C4orf46: variants seen among roughly 807,000 people sequenced by gnomAD.
The protein encoded by C4orf46 is chromosome 4 open reading frame 46, also known as renal cancer differentiation gene 1 protein.
C4orf46 carries 8 observed loss-of-function variants against 9.1 expected under a neutral mutation model. The ratio of observed to expected loss-of-function variants is 0.88; its 90% CI spans 0.52 to 1.59. C4orf46 has a LOEUF of 1.59. C4orf46 is among the 40% of genes most tolerant of loss of function. The pLI is 0.00. For synonymous variants in C4orf46, 51 were observed against 58.8 expected (o/e 0.87, Z 0.61); for missense variants, 151 against 139.1 (o/e 1.09, Z -0.43).
Position 158,667,190 on chromosome 4 carries a change from A to G in C4orf46, c.*2423T>C, listed in dbSNP as rs1383063307. 3 of 152,250 alleles carry G rather than the reference A, an allele frequency of 2.0e-5. No homozygotes were observed. The East Asian group carries it at 5.8e-4, about 29-fold the overall frequency. 9.4% of individuals were successfully genotyped at this position (152,250 alleles called of 1,614,324 possible). A position where few individuals can be genotyped will look rare whatever the true frequency, so the allele number is the denominator to read the frequency against. ...ATAGTAACTGCATGACAGATGTTGC[A>G]CTTGAAAAATTGATACTTGGAGGAA... On this transcript the variant is annotated 3_prime_UTR_variant, in exon 2 of 2. Coordinates refer to ENST00000379205, the MANE Select transcript of C4orf46 (RefSeq NM_001008393.4).
rs1376300172 is a variant in C4orf46 at position 158,668,997 on chromosome 4, AG to A, written c.*615del. On this transcript the variant is annotated 3_prime_UTR_variant, in exon 2 of 2. Transcript: ENST00000379205. ...AGAATGTTTTTCTTCAAGTCAAAAA[AG>A]TTCAGATTCATACATTTCCTAGAGA... is the stretch of plus-strand genomic sequence containing the variant. 1 of 152,266 alleles carries A rather than the reference AG, an allele frequency of 6.6e-6. No homozygotes were observed. Among genetic ancestry groups the A allele is most frequent in the Non-Finnish European group, 1.5e-5 (1 of 68,038 alleles). 9.4% of individuals were successfully genotyped at this position (152,266 alleles called of 1,614,324 possible).
rs1773558929 is a variant in C4orf46, at chr4:158,671,736, AGAG to A, written c.63_65del (p.Ser23del). On this transcript the variant is annotated inframe_deletion, in exon 1 of 2. Transcript: ENST00000379205. Reference sequence around the variant, plus strand: ...GGGAAGATGCTGCAGAGGCGTCTGAAGAGGAGGGAGAAGAGGGAGGCGGCGGGG... The same window carrying A: ...GGGAAGATGCTGCAGAGGCGTCTGAAGAGGGAGAAGAGGGAGGCGGCGGGG... 1 of 1,589,988 alleles carries A rather than the reference AGAG, an allele frequency of 6.3e-7. No individual in the cohort carries two copies. The highest frequency in any genetic ancestry group is 1.8e-5 in the Admixed American group (1 of 55,842).
In C4orf46 at chr4:158,671,544, C is replaced by T. The variant is rs1773547048; in HGVS notation, c.186+72G>A. On this transcript the variant is annotated intron_variant, in intron 1 of 1. Transcript: ENST00000379205. ...GGGGGTTGGGGGACCGATTCCCTAG[C>T]CTCGCGAGCCCCGCCGCCGCCGGTC... The T allele has an allele frequency of 2.9e-6, 4 of 1,379,232 alleles. No homozygotes were observed. The South Asian group carries it at 6.4e-5, about 22-fold the overall frequency. 85.4% of individuals were successfully genotyped at this position (1,379,232 alleles called of 1,614,324 possible).
chr4:158,671,682 T>C lies in C4orf46; in HGVS notation c.120A>G (p.Pro40=). The part of the protein sequence containing the change: ...SPGGPVSLGW[P]VPSRSSGPTV... The stretch of plus-strand genomic sequence containing the variant: ...TTGGGCCGCTGCTCCTGCTCGGAAC[T>C]GGCCAGCCCAAACTCACTGGGCCGC... Residue 40 remains proline, a synonymous_variant, in exon 1 of 2, where the codon CCA becomes CCG. Transcript: ENST00000379205. 2.5e-6 allele frequency: 4 copies of C among 1,611,508 alleles called. No individual in the cohort carries two copies. The highest frequency in any genetic ancestry group is 1.1e-5 in the South Asian group (1 of 90,856).
chr4:158,670,931 T>C (rs982687730), intron 1 of C4orf46, among the ~76,000 whole-genome samples: 1 of 152,120 alleles, frequency 6.6e-6, no homozygotes, highest in African/African-American at 2.4e-5. Context: ...GGAGGTGGGG[T>C]GCTAGTTTCT....
Position 158,668,149 on chromosome 4 carries a change from TC to T in C4orf46, c.*1463del, listed in dbSNP as rs1187682810. On this transcript the variant is annotated 3_prime_UTR_variant, in exon 2 of 2. Coordinates refer to ENST00000379205, the MANE Select transcript of C4orf46 (RefSeq NM_001008393.4). ...GGATTTTCTTGAAATCATTTACCTT[TC>T]CTATATCTTTGAAATATGTCAATAA... The T allele has an allele frequency of 4.6e-5, 7 of 152,392 alleles. No homozygotes were observed. 9.4% of individuals were successfully genotyped at this position (152,392 alleles called of 1,614,324 possible).
chr4:158,667,058 C>T lies in C4orf46; in HGVS notation c.*2555G>A, dbSNP rs1425263383. On this transcript the variant is annotated 3_prime_UTR_variant, in exon 2 of 2. Transcript: ENST00000379205. ...ATTTCTGCAACTACTGTTAGTCAAG[C>T]ACCTTTAGCTCGAAATAATCAGTAT... 1 of 152,140 alleles carries T rather than the reference C, an allele frequency of 6.6e-6. No individual in the cohort carries two copies. Among genetic ancestry groups the T allele is most frequent in the African/African-American group, 2.4e-5 (1 of 41,424 alleles). 9.4% of individuals were successfully genotyped at this position (152,140 alleles called of 1,614,324 possible). A position where few individuals can be genotyped will look rare whatever the true frequency, so the allele number is the denominator to read the frequency against.
At chr4:158,671,468 C>G (rs1773542747) in intron 1 of C4orf46, 148 bp downstream of exon 1, 4 of 786,388 alleles carry the variant, frequency 5.1e-6, no homozygotes, top group Non-Finnish European at 7.5e-6. Context: ...ATCCCCCCCG[C>G]TTCCCGCCCG....
Position 158,667,069 on chromosome 4 carries a change from C to G in C4orf46, c.*2544G>C, listed in dbSNP as rs988276409. 3.9e-5 allele frequency: 6 copies of G among 151,998 alleles called. No individual in the cohort carries two copies. The highest frequency in any genetic ancestry group is 1.5e-4 in the African/African-American group (6 of 41,354). 9.4% of individuals were successfully genotyped at this position (151,998 alleles called of 1,614,324 possible). A position where few individuals can be genotyped will look rare whatever the true frequency, so the allele number is the denominator to read the frequency against. Reference sequence around the variant, plus strand: ...TACTGTTAGTCAAGCACCTTTAGCTCGAAATAATCAGTATGCCAAATCGGC... The same window carrying G: ...TACTGTTAGTCAAGCACCTTTAGCTGGAAATAATCAGTATGCCAAATCGGC... On this transcript the variant is annotated 3_prime_UTR_variant, in exon 2 of 2. Transcript: ENST00000379205.
chr4:158,671,636 C>A lies in C4orf46; in HGVS notation c.166G>T (p.Val56Leu). Residue 56 changes from valine (V) to leucine (L), a missense_variant, in exon 1 of 2, where the codon GTG becomes TTG. By Grantham distance (32) the Val-to-Leu change is conservative (BLOSUM62 1). Transcript: ENST00000379205. ...SGPTVDQLEE[V>L]ELQIGDAAFS... ...CTCACGTCTCCGATCTGCAGCTCCA[C>A]TTCCTCCAGCTGGTCCACCGTTGGG... 6.3e-7 allele frequency: 1 copy of A among 1,579,440 alleles called. No homozygotes were observed. Among genetic ancestry groups the A allele is most frequent in the Non-Finnish European group, 8.6e-7 (1 of 1,160,096 alleles).
chr4:158,671,828 G>T lies in C4orf46; in HGVS notation c.-27C>A. On this transcript the variant is annotated 5_prime_UTR_variant, in exon 1 of 2. Coordinates refer to ENST00000379205, the MANE Select transcript of C4orf46 (RefSeq NM_001008393.4). ...GGGAAGGGTTGGGACCGCGGAATCC[G>T]ACCCGAGAAGCCGAACCGACACCAA... The T allele has an allele frequency of 2.8e-6, 4 of 1,453,852 alleles. No individual in the cohort carries two copies. The highest frequency in any genetic ancestry group is 1.4e-5 in the South Asian group (1 of 73,258). The allele number at this position is 1,453,852 out of a possible 1,614,324, so 90.1% of individuals were successfully genotyped here.
chr4:158,669,666 T>C lies in C4orf46; in HGVS notation c.289A>G (p.Thr97Ala). 3 of 1,614,006 alleles carry C rather than the reference T, an allele frequency of 1.9e-6. No homozygotes were observed. The highest frequency in any genetic ancestry group is 1.7e-6 in the Non-Finnish European group (2 of 1,179,976). ...KCTENARFLK[T>A]WRDLLKEGYD... ...CCTTCTTTCAAGAGGTCCCGCCACGTTTTAAGGAAACGTGCATTTTCTGTA... is the reference window on the plus strand; with the variant it reads ...CCTTCTTTCAAGAGGTCCCGCCACGCTTTAAGGAAACGTGCATTTTCTGTA... Residue 97 changes from threonine to alanine, a missense_variant, in exon 2 of 2, where the codon ACG becomes GCG. Physicochemically the swap from Thr to Ala is moderately conservative, Grantham distance 58. Coordinates refer to ENST00000379205, the MANE Select transcript of C4orf46 (RefSeq NM_001008393.4).
At position 158,671,697 on chromosome 4, in the gene C4orf46, C is replaced by A; in HGVS notation, c.105G>T (p.Val35=). 6.2e-7 allele frequency: 1 copy of A among 1,611,922 alleles called. No individual in the cohort carries two copies. Among genetic ancestry groups the A allele is most frequent in the Non-Finnish European group, 8.5e-7 (1 of 1,179,096 alleles). ...ASAASSPGGP[V]SLGWPVPSRS... ...TGCTCGGAACTGGCCAGCCCAAACT[C>A]ACTGGGCCGCCCGGGGAAGATGCTG... Residue 35 remains valine (V), a synonymous_variant, in exon 1 of 2, where the codon GTG becomes GTT. Coordinates refer to ENST00000379205, the MANE Select transcript of C4orf46 (RefSeq NM_001008393.4).
chr4:158,669,551 C>T lies in C4orf46; in HGVS notation c.*62G>A. 6.5e-7 allele frequency: 1 copy of T among 1,540,394 alleles called. No homozygotes were observed. Among genetic ancestry groups the T allele is most frequent in the Non-Finnish European group, 8.9e-7 (1 of 1,120,506 alleles). On this transcript the variant is annotated 3_prime_UTR_variant, in exon 2 of 2. Transcript: ENST00000379205. ...TCATCCTATATGTGTGGTACATGTA[C>T]AAAATATGACATAAGAAGTATGAAT...
chr4:158,670,023 C>CTTTTTTT (rs767110704), intron 1 of C4orf46, among the ~76,000 whole-genome samples: 1 of 17,676 alleles, frequency 5.7e-5, no homozygotes, highest in African/African-American at 1.1e-4. Context: ...TAGTTGTTTT[C>CTTTTTTT]TTTTTTTTTT....
At chr4:158,670,028 T>TTTTTTTTTTTTTTTTTTTTTTTTTTTTC (rs1554030228) in intron 1 of C4orf46, among the ~76,000 whole-genome samples, 4 of 113,138 alleles carry the variant, frequency 3.5e-5, no homozygotes, top group African/African-American at 3.5e-5. Flanking sequence ...GTTTTCTTTT[T>TTTTTTTTTTTTTTTTTTTTTTTTTTTTC]TTTTTTTTTT....
chr4:158,671,466 C>T (rs942408532), intron 1 of C4orf46, 150 bp downstream of exon 1: 4 of 766,370 alleles, frequency 5.2e-6, no homozygotes, highest in East Asian at 6.5e-5. Context: ...GCATCCCCCC[C>T]GCTTCCCGCC....
intron 1 of C4orf46, among the ~76,000 whole-genome samples, 157 bp downstream of exon 1, chr4:158,671,459 T>TC (rs144137757): frequency 0.011 from 1,742 of 151,864 alleles, 28 homozygotes; most frequent in African/African-American, 0.037. Flanking sequence ...GCTGCTGGCA[T>TC]CCCCCCCGCT....
Position 158,669,770 on chromosome 4 carries a change from T to TA in C4orf46, c.187-3dup, listed in dbSNP as rs749072588. On this transcript the variant is annotated splice_region_variant and splice_polypyrimidine_tract_variant and intron_variant, in intron 1 of 1. Coordinates refer to ENST00000379205, the MANE Select transcript of C4orf46 (RefSeq NM_001008393.4). ...AAGTTTGGTTAATGAAAAGGCTGCC[T>TA]AAAAAAAAAAAGTCAAACATAATTT... 0.055 allele frequency: 56,778 copies of TA among 1,037,048 alleles called. 21 individuals are homozygous for TA. The highest frequency in any genetic ancestry group is 0.075 in the South Asian group (4,104 of 54,380). The allele number at this position is 1,037,048 out of a possible 1,614,324, so 64.2% of individuals were successfully genotyped here. A position where few individuals can be genotyped will look rare whatever the true frequency, so the allele number is the denominator to read the frequency against.
Sources: allele counts gnomAD v4.1 joint callset (sites outside exome capture counted in the v4.1 genomes callset), GRCh38; gene constraint gnomAD v4.1.1; transcripts MANE v1.5; gene names NCBI Gene and HGNC (gene_info 2026-07-23, HGNC 2026-07-21).